NAALADL2: variants seen among roughly 807,000 people sequenced by gnomAD.
NAALADL2 encodes N-acetylated alpha-linked acidic dipeptidase like 2.
Under a neutral mutation model 87.2 loss-of-function variants are expected in NAALADL2, and 76 were observed. The observed-to-expected ratio is 0.87, with a 90% CI of 0.72 to 1.05. NAALADL2 has a LOEUF of 1.05. Ranked by LOEUF, NAALADL2 falls within the 50% of genes least tolerant of loss-of-function variation. NAALADL2 has a pLI of 0.00. For missense variants in NAALADL2, 1,089 were observed against 945.8 expected (o/e 1.15, Z -1.99); for synonymous variants, 354 against 331.0 (o/e 1.07, Z -0.75).
At chr3:175,772,332 A>G (rs532499234) in intron 13 of NAALADL2, among the ~76,000 whole-genome samples, 1 of 152,146 alleles carries the variant, frequency 6.6e-6, no homozygotes, top group South Asian at 2.1e-4. Flanking sequence ...CTAGGACTCT[A>G]CAAACTGCAT....
At chr3:175,086,549 T>C (rs773718332) in intron 1 of NAALADL2, among the ~76,000 whole-genome samples, 27 of 152,298 alleles carry the variant, frequency 1.8e-4, no homozygotes, top group Non-Finnish European at 1.3e-4. Context: ...TTTTCAAAGA[T>C]GTCAATTATA....
chr3:174,776,273 G>T (rs1680386602), intron 3 of NAALADL2, among the ~76,000 whole-genome samples: 1 of 151,994 alleles, frequency 6.6e-6, no homozygotes, highest in South Asian at 2.1e-4. Flanking sequence ...ATGAAAATTG[G>T]CCTGAGGCTG....
At chr3:174,753,861 G>A (rs1189720038) in intron 3 of NAALADL2, among the ~76,000 whole-genome samples, 3 of 152,168 alleles carry the variant, frequency 2.0e-5, no homozygotes, top group African/African-American at 7.2e-5. Flanking sequence ...GGTCATGAGG[G>A]TGGGGCCCTC....
chr3:175,739,453 C>T (rs943407192), intron 12 of NAALADL2, among the ~76,000 whole-genome samples: 1 of 152,110 alleles, frequency 6.6e-6, no homozygotes, highest in African/African-American at 2.4e-5. Flanking sequence ...TAGGCTAATA[C>T]TGATGCTCAA....
At chr3:174,953,948 C>A (rs542437592) in intron 1 of NAALADL2, among the ~76,000 whole-genome samples, 3 of 152,070 alleles carry the variant, frequency 2.0e-5, no homozygotes, top group African/African-American at 7.2e-5. Context: ...GCACTTGAAG[C>A]TAAATAAGTA....
In NAALADL2 at chr3:174,708,690, TAC is replaced by T. The variant is rs1491056640; in HGVS notation, c.-114-28950_-114-28949del. On this transcript the variant is annotated intron_variant, in intron 2 of 3. Transcript: ENST00000434257. ...TGGTCAAGAGAAATAGGATTTGACT[TAC>T]CTTACATATGAATTCTTTTTACAAT... 2.3e-3 allele frequency among the ~76,000 whole-genome samples: 356 copies of T among 152,300 alleles called. 1 individual carries two copies. The highest frequency in any genetic ancestry group is 7.4e-3 in the African/African-American group (309 of 41,588).
intron 3 of NAALADL2, among the ~76,000 whole-genome samples, chr3:174,757,030 T>C (rs1712190240): frequency 6.6e-6 from 1 of 152,216 alleles, no homozygotes; most frequent in African/African-American, 2.4e-5. Flanking sequence ...ATTTTAGCAT[T>C]AATTGCAAAA....
chr3:174,773,885 G>A (rs1049313923), intron 3 of NAALADL2, among the ~76,000 whole-genome samples: 2 of 152,094 alleles, frequency 1.3e-5, no homozygotes, highest in East Asian at 3.9e-4. Flanking sequence ...GAGTGAGAGA[G>A]TGGATGAGAG....
At chr3:175,600,631 AG>A (rs1722846980) in intron 10 of NAALADL2, among the ~76,000 whole-genome samples, 1 of 128,574 alleles carries the variant, frequency 7.8e-6, no homozygotes. Flanking sequence ...TCCGCCTCCC[AG>A]GTTCACGCCA....
chr3:175,115,928 A>G (rs1725058071), intron 2 of NAALADL2, among the ~76,000 whole-genome samples: 2 of 151,962 alleles, frequency 1.3e-5, no homozygotes, highest in Non-Finnish European at 2.9e-5. Flanking sequence ...AGGCTGGTTC[A>G]ACATATGCAA....
chr3:174,520,738 G>A (rs113855470), intron 1 of NAALADL2, among the ~76,000 whole-genome samples: 1,962 of 152,186 alleles, frequency 0.013, 36 homozygotes, highest in African/African-American at 0.046. Context: ...GCTTCTGCAC[G>A]ACAAACGAAA....
At chr3:175,071,714 G>A (rs1715676697) in intron 1 of NAALADL2, among the ~76,000 whole-genome samples, 1 of 151,842 alleles carries the variant, frequency 6.6e-6, no homozygotes, top group African/African-American at 2.4e-5. Flanking sequence ...AACAGCTTAG[G>A]GTATTTGTTG....
chr3:174,533,443 C>T (rs1006963170), intron 1 of NAALADL2, among the ~76,000 whole-genome samples: 5 of 152,160 alleles, frequency 3.3e-5, no homozygotes, highest in African/African-American at 1.2e-4. Context: ...TCAAAAGCTA[C>T]AGCTCCTAAT....
rs1329126871 is a variant in NAALADL2, at chr3:174,640,452, T to G, written c.-115+89815T>G. Among the ~76,000 whole-genome samples, 4 of 142,856 alleles carry G rather than the reference T, an allele frequency of 2.8e-5. No individual in the cohort carries two copies. The East Asian group carries it at 8.0e-4, about 28-fold the overall frequency. 93.7% of individuals were successfully genotyped at this position (142,856 alleles called of 152,430 possible). A position where few individuals can be genotyped will look rare whatever the true frequency, so the allele number is the denominator to read the frequency against. ...CCAGATCAATTTTATAGAAGATTGA[T>G]CAGTGTGTGTGTGTGGAAGGGAAAA... is the stretch of plus-strand genomic sequence containing the variant. On this transcript the variant is annotated intron_variant, in intron 2 of 3. Coordinates refer to the NAALADL2 transcript ENST00000434257.
At chr3:174,465,971 G>T (rs1200472611) in intron 1 of NAALADL2, among the ~76,000 whole-genome samples, 1 of 152,152 alleles carries the variant, frequency 6.6e-6, no homozygotes, top group African/African-American at 2.4e-5. Context: ...GCTTAAATGA[G>T]GTAGAAGCTT....
chr3:174,729,404 C>T (rs1560177511), intron 2 of NAALADL2, among the ~76,000 whole-genome samples: 2 of 152,010 alleles, frequency 1.3e-5, no homozygotes, highest in African/African-American at 4.8e-5. Context: ...CAAGGACACA[C>T]TGTTAGTAAG....
chr3:175,565,906 C>T (rs571153529), intron 9 of NAALADL2, among the ~76,000 whole-genome samples: 3 of 144,380 alleles, frequency 2.1e-5, no homozygotes, highest in South Asian at 2.3e-4. Context: ...ATTGGCTCAC[C>T]GCAACCTTCG....
Position 175,415,739 on chromosome 3 carries a change from A to C in NAALADL2, c.1091-31490A>C, listed in dbSNP as rs1560515060. The stretch of plus-strand genomic sequence containing the variant: ...TGTGTGCTAAATCATTGATATTAAT[A>C]TTATAAGTAACTGTAAGTCTTCTAG... On this transcript the variant is annotated intron_variant, in intron 5 of 13. Transcript: ENST00000454872. Among the ~76,000 whole-genome samples the C allele has an allele frequency of 2.0e-5, 3 of 152,026 alleles. No homozygotes were observed. In the South Asian group the frequency reaches 6.2e-4, roughly 32 times the overall value.
intron 2 of NAALADL2, among the ~76,000 whole-genome samples, chr3:175,135,888 A>G (rs1255960551): frequency 6.6e-6 from 1 of 152,222 alleles, no homozygotes; most frequent in Non-Finnish European, 1.5e-5. Context: ...GAAAAATGTT[A>G]AGAATAAGCC....
Sources: allele counts gnomAD v4.1 joint callset (sites outside exome capture counted in the v4.1 genomes callset), GRCh38; gene constraint gnomAD v4.1.1; transcripts MANE v1.5; gene names NCBI Gene and HGNC (gene_info 2026-07-23, HGNC 2026-07-21).